The following HPSE2 variants were observed in gnomAD, a reference collection of about 807,000 sequenced individuals.
HPSE2 encodes inactive heparanase-2.
HPSE2 carries 38 observed loss-of-function variants against 60.5 expected under a neutral mutation model. That is an observed-to-expected ratio of 0.63 (90% confidence interval 0.48 to 0.82). The LOEUF is 0.82. HPSE2 is among the 40% of genes least tolerant of loss of function. The pLI, the probability that HPSE2 is intolerant of heterozygous loss-of-function variation, is 0.00. For missense variants in HPSE2, 713 were observed against 740.4 expected (o/e 0.96, Z 0.43); for synonymous variants, 295 against 293.2 (o/e 1.01, Z -0.06).
At chr10:98,999,755 A>G (rs1956734569) in intron 3 of HPSE2, among the ~76,000 whole-genome samples, 1 of 152,182 alleles carries the variant, frequency 6.6e-6, no homozygotes, top group Admixed American at 6.6e-5. Context: ...GAAAGATTAT[A>G]TAGAAAAGAA....
chr10:98,688,213 T>C (rs1258353179), intron 6 of HPSE2, among the ~76,000 whole-genome samples: 1 of 152,086 alleles, frequency 6.6e-6, no homozygotes, highest in Non-Finnish European at 1.5e-5. Context: ...TATAATTCCA[T>C]TTACTGACTC....
chr10:98,858,982 G>A (rs1589959764), intron 3 of HPSE2, among the ~76,000 whole-genome samples: 1 of 152,140 alleles, frequency 6.6e-6, no homozygotes, highest in Non-Finnish European at 1.5e-5. Flanking sequence ...GGGCTGGAGT[G>A]CAGTGGCACA....
At chr10:98,744,097 C>T (rs1949568195) in intron 3 of HPSE2, 41 bp from the exon 4 acceptor site, 3 of 1,585,026 alleles carry the variant, frequency 1.9e-6, no homozygotes, top group Admixed American at 1.7e-5. Context: ...TTCAAATCAA[C>T]ATTCCAACAA....
chr10:99,062,232 G>A (rs1842468007), intron 3 of HPSE2, among the ~76,000 whole-genome samples: 1 of 152,098 alleles, frequency 6.6e-6, no homozygotes, highest in East Asian at 1.9e-4. Flanking sequence ...GTCTTACCTT[G>A]CTTTCTAGAT....
At chr10:98,991,781 G>T (rs1956530941) in intron 3 of HPSE2, among the ~76,000 whole-genome samples, 1 of 152,110 alleles carries the variant, frequency 6.6e-6, no homozygotes, top group African/African-American at 2.4e-5. Flanking sequence ...AGTAAGATTG[G>T]TGGGCATCAC....
the HPSE2 span, among the ~76,000 whole-genome samples, chr10:99,289,196 A>G: frequency 6.6e-6 from 1 of 152,206 alleles, no homozygotes; most frequent in East Asian, 1.9e-4. Flanking sequence ...ACAGTGCAAC[A>G]GATTGCAAAA....
Position 99,213,644 on chromosome 10 carries a change from GA to G in HPSE2, c.448+18703del, listed in dbSNP as rs570782687. 1.2e-3 allele frequency among the ~76,000 whole-genome samples: 164 copies of G among 140,948 alleles called. 2 individuals are homozygous for G. Among genetic ancestry groups the G allele is most frequent in the East Asian group, 7.9e-3 (39 of 4,932 alleles). 92.5% of individuals were successfully genotyped at this position (140,948 alleles called of 152,430 possible). Reference sequence around the variant, plus strand: ...TTTGTGCTCTGGGTTCACGTTTTTAGAAAAAAAAAAAAATTCAAATGAGGCA... The same window carrying G: ...TTTGTGCTCTGGGTTCACGTTTTTAGAAAAAAAAAAAATTCAAATGAGGCA... On this transcript the variant is annotated intron_variant, in intron 2 of 11. Transcript: ENST00000370552.
At chr10:98,650,297 T>C (rs922245600) in intron 6 of HPSE2, among the ~76,000 whole-genome samples, 1 of 152,228 alleles carries the variant, frequency 6.6e-6, no homozygotes, top group Admixed American at 6.5e-5. Context: ...TACATCAGCA[T>C]TGGACTGTCA....
At chr10:98,683,839 G>A (rs1391433380) in intron 6 of HPSE2, among the ~76,000 whole-genome samples, 2 of 151,752 alleles carry the variant, frequency 1.3e-5, no homozygotes, top group African/African-American at 2.4e-5. Context: ...CATACCTAGC[G>A]AACAGAATAA....
chr10:98,717,464 A>G (rs1284533015), intron 5 of HPSE2, among the ~76,000 whole-genome samples: 1 of 152,106 alleles, frequency 6.6e-6, no homozygotes, highest in Non-Finnish European at 1.5e-5. Flanking sequence ...GCTTAATCGT[A>G]TTGAGCTTCT....
chr10:98,946,286 A>G (rs1955181308), intron 3 of HPSE2, among the ~76,000 whole-genome samples: 1 of 152,068 alleles, frequency 6.6e-6, no homozygotes, highest in South Asian at 2.1e-4. Context: ...CCTGAGCAGC[A>G]TAGTGAGACC....
At chr10:98,552,583 T>C (rs1218474086) in intron 9 of HPSE2, among the ~76,000 whole-genome samples, 1 of 152,174 alleles carries the variant, frequency 6.6e-6, no homozygotes, top group Non-Finnish European at 1.5e-5. Flanking sequence ...CTCTACTTGG[T>C]GGGCTTTTTG....
At chr10:98,892,338 C>T (rs576544003) in intron 3 of HPSE2, among the ~76,000 whole-genome samples, 2 of 152,184 alleles carry the variant, frequency 1.3e-5, no homozygotes, top group South Asian at 4.2e-4. Context: ...CTACCAAAGC[C>T]CTATCATGAT....
At chr10:99,279,538 G>A in the HPSE2 span, among the ~76,000 whole-genome samples, 2 of 152,212 alleles carry the variant, frequency 1.3e-5, no homozygotes, top group African/African-American at 2.4e-5. Context: ...GTCAAATACT[G>A]TGGTTCATCA....
At chr10:99,101,031 A>C (rs1843954553) in intron 3 of HPSE2, among the ~76,000 whole-genome samples, 1 of 152,226 alleles carries the variant, frequency 6.6e-6, no homozygotes, top group Non-Finnish European at 1.5e-5. Context: ...CCACTGCAAA[A>C]ACATGCCAAA....
chr10:98,949,974 T>C (rs1403560392), intron 3 of HPSE2, among the ~76,000 whole-genome samples: 1 of 152,154 alleles, frequency 6.6e-6, no homozygotes, highest in East Asian at 1.9e-4. Flanking sequence ...CAAGTTTTCT[T>C]TATTAAGTTA....
At chr10:98,548,369 C>A (rs1299355301) in intron 9 of HPSE2, among the ~76,000 whole-genome samples, 3 of 152,262 alleles carry the variant, frequency 2.0e-5, no homozygotes, top group East Asian at 3.9e-4. Context: ...GTAATCCCAG[C>A]ACTTTGGGAG....
intron 3 of HPSE2, among the ~76,000 whole-genome samples, chr10:98,842,135 A>G (rs925881871): frequency 6.6e-6 from 1 of 152,228 alleles, no homozygotes; most frequent in African/African-American, 2.4e-5. Flanking sequence ...GAGTAAATAC[A>G]GTACATTCTA....
At chr10:98,879,886 T>TGA (rs1554835538) in intron 3 of HPSE2, among the ~76,000 whole-genome samples, 2 of 150,236 alleles carry the variant, frequency 1.3e-5, no homozygotes, top group Admixed American at 6.6e-5. Context: ...TGTGTGTGTG[T>TGA]GATGTGTTTC....
Sources: gnomAD v4.1 joint callset for allele counts (sites outside exome capture counted in the v4.1 genomes callset) on GRCh38, gnomAD v4.1.1 for gene constraint, MANE v1.5 for transcripts, NCBI Gene and HGNC (gene_info 2026-07-23, HGNC 2026-07-21) for gene names.